Variants in SUCLG2 observed in about 807,000 individuals in gnomAD.
SUCLG2 encodes the protein succinate--CoA ligase [GDP-forming] subunit beta, mitochondrial.
In SUCLG2, 42 loss-of-function variants were observed where a neutral mutation model predicts 47.9. The observed-to-expected ratio is 0.88, with a 90% CI of 0.69 to 1.14. The LOEUF (loss-of-function observed/expected upper bound fraction) is 1.14. Ranked by LOEUF, SUCLG2 falls within the 50% of genes most tolerant of loss-of-function variation. SUCLG2 has a pLI of 0.00. For missense variants in SUCLG2, 571 were observed against 525.9 expected (o/e 1.09, Z -0.84); for synonymous variants, 195 against 197.3 (o/e 0.99, Z 0.10).
At chr3:67,397,041 C>A (rs1238153265) in intron 10 of SUCLG2, among the ~76,000 whole-genome samples, 1 of 151,270 alleles carries the variant, frequency 6.6e-6, no homozygotes, top group Non-Finnish European at 1.5e-5. Flanking sequence ...TAAGAGCTAT[C>A]TATGACAAAC....
intron 2 of SUCLG2, among the ~76,000 whole-genome samples, chr3:67,550,954 A>C (rs1706998682): frequency 6.6e-6 from 1 of 152,160 alleles, no homozygotes; most frequent in Non-Finnish European, 1.5e-5. Context: ...TTAACACAAT[A>C]CTTGGTGTAT....
At chr3:67,498,765 T>C (rs992676582) in intron 7 of SUCLG2, among the ~76,000 whole-genome samples, 2 of 152,216 alleles carry the variant, frequency 1.3e-5, no homozygotes, top group Non-Finnish European at 2.9e-5. Context: ...ATCAGTATCC[T>C]GTCTAGTATT....
intron 2 of SUCLG2, among the ~76,000 whole-genome samples, chr3:67,577,547 C>T (rs1365487713): frequency 6.6e-6 from 1 of 152,102 alleles, no homozygotes; most frequent in Admixed American, 6.5e-5. Flanking sequence ...CTACTAAATG[C>T]TAAATAAAAG....
chr3:67,597,547 C>G (rs1708320712), intron 2 of SUCLG2, among the ~76,000 whole-genome samples: 1 of 152,144 alleles, frequency 6.6e-6, no homozygotes. Flanking sequence ...ATTTCTGTAC[C>G]CCACTCCCAG....
At chr3:67,391,623 G>C (rs1182413212) in intron 10 of SUCLG2, among the ~76,000 whole-genome samples, 2 of 152,258 alleles carry the variant, frequency 1.3e-5, no homozygotes, top group East Asian at 3.9e-4. Flanking sequence ...TTGACTGTGG[G>C]CCGAGTAGCT....
At chr3:67,446,416 CATTTTTTTTTTT>C (rs1457624526) in intron 9 of SUCLG2, among the ~76,000 whole-genome samples, 1 of 78,312 alleles carries the variant, frequency 1.3e-5, no homozygotes, top group Non-Finnish European at 2.3e-5. Flanking sequence ...TACATATGTA[CATTTTTTTTTTT>C]TTTTTTTTTT....
intron 2 of SUCLG2, among the ~76,000 whole-genome samples, chr3:67,597,981 C>G (rs1372316874): frequency 6.6e-6 from 1 of 151,832 alleles, no homozygotes; most frequent in East Asian, 2.0e-4. Flanking sequence ...ACTCTCATTT[C>G]CTTTTCCTTT....
intron 9 of SUCLG2, among the ~76,000 whole-genome samples, chr3:67,410,114 A>G (rs929798125): frequency 4.6e-5 from 7 of 152,216 alleles, no homozygotes; most frequent in Non-Finnish European, 7.3e-5. Context: ...TGGAAATTTG[A>G]TCTGCAGAGA....
At chr3:67,394,584 T>C (rs1387907269) in intron 10 of SUCLG2, among the ~76,000 whole-genome samples, 1 of 151,926 alleles carries the variant, frequency 6.6e-6, no homozygotes, top group East Asian at 1.9e-4. Context: ...TGGAACTAAG[T>C]TGGAAAACAC....
chr3:67,566,846 CTATGTTTT>C (rs1396018260), intron 2 of SUCLG2, among the ~76,000 whole-genome samples: 2 of 152,098 alleles, frequency 1.3e-5, no homozygotes, highest in Admixed American at 6.5e-5. Context: ...TCCTTCCATC[CTATGTTTT>C]TATGCCTCAT....
At chr3:67,609,650 A>G (rs539159278) in intron 1 of SUCLG2, 54 bp from the exon 2 acceptor site, 128 of 1,572,222 alleles carry the variant, frequency 8.1e-5, no homozygotes, top group Admixed American at 4.3e-4. Flanking sequence ...AAGAAAAATA[A>G]AAGTCAACCT....
chr3:67,478,734 G>T (rs146985888), intron 9 of SUCLG2, among the ~76,000 whole-genome samples: 1 of 152,178 alleles, frequency 6.6e-6, no homozygotes, highest in Non-Finnish European at 1.5e-5. Flanking sequence ...CTAGTGGGAG[G>T]TTGCAACTGC....
intron 10 of SUCLG2, among the ~76,000 whole-genome samples, chr3:67,390,422 C>G (rs1559507678): frequency 6.6e-6 from 1 of 152,200 alleles, no homozygotes; most frequent in Non-Finnish European, 1.5e-5. Context: ...TAATTACAAG[C>G]TGTTTCACCA....
At chr3:67,424,098 A>C (rs1284234225) in intron 9 of SUCLG2, among the ~76,000 whole-genome samples, 1 of 152,244 alleles carries the variant, frequency 6.6e-6, no homozygotes. Flanking sequence ...ATGATGGCTC[A>C]TTCAAAAAAG....
intron 9 of SUCLG2, among the ~76,000 whole-genome samples, chr3:67,485,675 G>A (rs769980902): frequency 1.1e-4 from 17 of 152,154 alleles, no homozygotes; most frequent in Non-Finnish European, 1.8e-4. Context: ...ACTTTTAGTA[G>A]GAAATGTAAA....
intron 9 of SUCLG2, among the ~76,000 whole-genome samples, chr3:67,479,332 T>TA (rs1450845399): frequency 6.6e-6 from 1 of 152,124 alleles, no homozygotes; most frequent in Non-Finnish European, 1.5e-5. Context: ...ATTCTATTTT[T>TA]AAAAAAAGCA....
At chr3:67,379,596 C>T (rs943946138) in intron 10 of SUCLG2, among the ~76,000 whole-genome samples, 3 of 152,210 alleles carry the variant, frequency 2.0e-5, no homozygotes, top group Non-Finnish European at 2.9e-5. Context: ...TTAATATCCT[C>T]TTTTGCACCC....
intron 10 of SUCLG2, among the ~76,000 whole-genome samples, chr3:67,381,631 T>A (rs1281619007): frequency 2.6e-5 from 4 of 152,148 alleles, no homozygotes; most frequent in Non-Finnish European, 4.4e-5. Context: ...CCTGTACAGA[T>A]AACTGATCAA....
intron 9 of SUCLG2, among the ~76,000 whole-genome samples, chr3:67,446,691 C>G (rs1310962413): frequency 6.6e-6 from 1 of 151,738 alleles, no homozygotes; most frequent in Non-Finnish European, 1.5e-5. Context: ...CTCGGCCTCC[C>G]AAAGTGCCTG....
Sources: gnomAD v4.1 joint callset for allele counts (sites outside exome capture counted in the v4.1 genomes callset) on GRCh38, gnomAD v4.1.1 for gene constraint, MANE v1.5 for transcripts, NCBI Gene and HGNC (gene_info 2026-07-23, HGNC 2026-07-21) for gene names.